Variants in NAT10 observed in about 807,000 individuals in gnomAD.
NAT10 encodes the protein N-acetyltransferase 10.
In NAT10, 109 loss-of-function variants were observed where a neutral mutation model predicts 132.2. The observed-to-expected ratio is 0.82, with a 90% CI of 0.71 to 0.97. NAT10 has a LOEUF of 0.97. Among genes scored for constraint, NAT10 ranks in the 50% least tolerant of loss-of-function variants. The pLI is 0.00. For synonymous variants in NAT10, 479 were observed against 478.0 expected, an observed-to-expected ratio of 1.00 and a Z score of -0.03; for missense variants, 1,184 against 1,263.4, an observed-to-expected ratio of 0.94 and a Z score of 0.95.
At chr11:34,127,984 A>T (rs1029971791) in intron 12 of NAT10, among the ~76,000 whole-genome samples, 2 of 152,200 alleles carry the variant, frequency 1.3e-5, no homozygotes, top group Non-Finnish European at 2.9e-5. Context: ...GACTTTTTTT[A>T]AAATTTGAAA....
At chr11:34,116,688 G>A (rs527762079) in intron 6 of NAT10, among the ~76,000 whole-genome samples, 3 of 152,058 alleles carry the variant, frequency 2.0e-5, no homozygotes, top group South Asian at 2.1e-4. Context: ...TCTGCCTCCC[G>A]CATTCAAGCA....
Position 34,141,766 on chromosome 11 carries a change from A to C in NAT10, c.2760A>C (p.Ala920=). 1 of 1,614,120 alleles carries C rather than the reference A, an allele frequency of 6.2e-7. No homozygotes were observed. Among genetic ancestry groups the C allele is most frequent in the Non-Finnish European group, 8.5e-7 (1 of 1,180,040 alleles). Residue 920 remains alanine, a synonymous_variant, in exon 26 of 29, where the codon GCA becomes GCC. Coordinates refer to ENST00000257829, the MANE Select transcript of NAT10 (RefSeq NM_024662.3). ...QEKAIEEQMV[A]AKDVVMEPTM... The stretch of plus-strand genomic sequence containing the variant: ...AGGCCATTGAGGAGCAGATGGTGGC[A>C]GCGAAGGATGTGGTCATGGAGCCCA...
At chr11:34,107,991 A>G (rs1851625090) in intron 1 of NAT10, among the ~76,000 whole-genome samples, 1 of 152,228 alleles carries the variant, frequency 6.6e-6, no homozygotes, top group African/African-American at 2.4e-5. Context: ...GGTGAATTAC[A>G]GGCTTTCCAG....
chr11:34,138,450 T>G (rs944856532), intron 21 of NAT10, among the ~76,000 whole-genome samples: 65 of 152,160 alleles, frequency 4.3e-4, no homozygotes, highest in Non-Finnish European at 2.8e-4. Context: ...GGGTTTAAAG[T>G]GGGACTGGTG....
rs1240125522 is a variant in NAT10, at chr11:34,142,349, G to GTAA, written c.2885+2_2885+4dup. ...AGCTGAAGAGCATGGACCTCTCTGA[G>GTAA]TAAGGCTTGTGGGAAGCAGAGGGTT... On this transcript the variant is annotated splice_donor_variant, in intron 27 of 28. Coordinates refer to ENST00000257829, the MANE Select transcript of NAT10 (RefSeq NM_024662.3). LOFTEE classifies it high-confidence loss of function. 2.5e-6 allele frequency: 4 copies of GTAA among 1,613,964 alleles called. No individual in the cohort carries two copies. In the African/African-American group the frequency reaches 5.3e-5, roughly 22 times the overall value.
intron 1 of NAT10, among the ~76,000 whole-genome samples, 181 bp from the exon 2 acceptor site, chr11:34,108,030 G>A (rs547285387): frequency 6.6e-6 from 1 of 152,290 alleles, no homozygotes; most frequent in East Asian, 1.9e-4. Flanking sequence ...CACCTCCCAA[G>A]CCTAAGGTTT....
intron 28 of NAT10, 67 bp from the exon 29 acceptor site, chr11:34,146,017 C>A: frequency 8.5e-7 from 1 of 1,171,578 alleles, no homozygotes; most frequent in Non-Finnish European, 1.2e-6. Flanking sequence ...GCAAAGCAAG[C>A]TTAAAGCAGT....
rs142291579 is a variant in NAT10, at chr11:34,122,482, C to T, written c.804C>T (p.Ile268=). 119 of 1,614,184 alleles carry T rather than the reference C, an allele frequency of 7.4e-5. No individual in the cohort carries two copies. The African/African-American group carries it at 1.1e-3, about 15-fold the overall frequency. The change falls in exon 9 of 29, where the codon ATC becomes ATT. Residue 268 remains isoleucine, a synonymous_variant. Coordinates refer to ENST00000257829, the MANE Select transcript of NAT10 (RefSeq NM_024662.3). ...AGGCCAAAGCTGTCTTGAAATTTAT[C>T]GAGGGCATCTCTGAAAAGACCCTGA... is the stretch of plus-strand genomic sequence containing the variant. ...LDQAKAVLKF[I]EGISEKTLRS...
Position 34,131,287 on chromosome 11 carries a change from G to C in NAT10, c.1370-94G>C, listed in dbSNP as rs1852100278. The C allele has an allele frequency of 2.7e-6, 4 of 1,483,532 alleles. No individual in the cohort carries two copies. In the South Asian group the frequency reaches 5.5e-5, roughly 20 times the overall value. The allele number at this position is 1,483,532 out of a possible 1,614,324, so 91.9% of individuals were successfully genotyped here. The stretch of plus-strand genomic sequence containing the variant: ...TACCACACGTCTCTGGCCACCATGG[G>C]ACAAATATAAAGTGAAACATTTTTC... On this transcript the variant is annotated intron_variant, in intron 13 of 28. Transcript: ENST00000257829.
intron 12 of NAT10, among the ~76,000 whole-genome samples, chr11:34,128,055 CA>C (rs1394790336): frequency 3.3e-5 from 5 of 151,694 alleles, no homozygotes; most frequent in African/African-American, 1.2e-4. Context: ...AACAGGTAAG[CA>C]AAAGAAAAAT....
intron 24 of NAT10, 40 bp downstream of exon 24, chr11:34,140,612 T>C (rs367916097): frequency 6.3e-7 from 1 of 1,592,888 alleles, no homozygotes; most frequent in Non-Finnish European, 8.6e-7. Context: ...AAGCGAGGAT[T>C]GTGGAGCTGT....
rs1304112079 is a variant in NAT10 at position 34,108,239 on chromosome 11, A to T, written c.14A>T (p.Lys5Met). MHRK[K>M]VDNRIRILIE... Reference sequence around the variant, plus strand: ...TAATTTTTCACCATGCATCGGAAAAAGGTGGATAACCGAATCCGGATTCTC... The same window carrying T: ...TAATTTTTCACCATGCATCGGAAAATGGTGGATAACCGAATCCGGATTCTC... The change falls in exon 2 of 29, where the codon AAG becomes ATG. Residue 5 changes from lysine (K) to methionine (M), a missense_variant. Transcript: ENST00000257829. The T allele has an allele frequency of 2.5e-6, 4 of 1,613,778 alleles. No individual in the cohort carries two copies. In the South Asian group the frequency reaches 4.4e-5, roughly 18 times the overall value.
intron 12 of NAT10, among the ~76,000 whole-genome samples, chr11:34,128,753 C>G (rs1235995121): frequency 6.6e-6 from 1 of 152,144 alleles, no homozygotes; most frequent in Non-Finnish European, 1.5e-5. Context: ...AGTATGTTCA[C>G]AGAGTTGTGC....
intron 24 of NAT10, 32 bp downstream of exon 24, chr11:34,140,604 G>A: frequency 1.2e-6 from 2 of 1,602,030 alleles, no homozygotes; most frequent in Non-Finnish European, 1.7e-6. Context: ...TGGAGGAGAA[G>A]CGAGGATTGT....
At chr11:34,139,950 TATATAA>T (rs1852290116) in intron 23 of NAT10, among the ~76,000 whole-genome samples, 1 of 152,258 alleles carries the variant, frequency 6.6e-6, no homozygotes, top group South Asian at 2.1e-4. Flanking sequence ...GCATATTTTA[TATATAA>T]ATATTTAGGT....
Position 34,136,551 on chromosome 11 carries a change from G to C in NAT10, c.2029-91G>C. ...AGAAACCTCTCCCAGTTTTTGTTGT[G>C]CTAAGTCCAGAGTGCGCTGCGGCAG... On this transcript the variant is annotated intron_variant, in intron 19 of 28. Coordinates refer to ENST00000257829, the MANE Select transcript of NAT10 (RefSeq NM_024662.3). 5.3e-6 allele frequency: 8 copies of C among 1,502,782 alleles called. No individual in the cohort carries two copies. In the South Asian group the frequency reaches 7.3e-5, roughly 14 times the overall value. The allele number at this position is 1,502,782 out of a possible 1,614,324, so 93.1% of individuals were successfully genotyped here.
At chr11:34,129,994 A>G (rs1852076370) in intron 12 of NAT10, among the ~76,000 whole-genome samples, 1 of 152,188 alleles carries the variant, frequency 6.6e-6, no homozygotes, top group Non-Finnish European at 1.5e-5. Flanking sequence ...ATAAATAAAT[A>G]GGATACTTTT....
At chr11:34,114,562 C>T (rs181435460) in intron 5 of NAT10, among the ~76,000 whole-genome samples, 1 of 152,180 alleles carries the variant, frequency 6.6e-6, no homozygotes, top group Non-Finnish European at 1.5e-5. Context: ...TGCACTACAG[C>T]CCTTTTGGCC....
chr11:34,129,646 C>T lies in NAT10; in HGVS notation c.1245-1167C>T, dbSNP rs374258256. On this transcript the variant is annotated intron_variant, in intron 12 of 28. Transcript: ENST00000257829. Reference sequence around the variant, plus strand: ...TTTTTGAGACAGACTCTGACTCTGTCGCCAAGGCTGGAGTGCAGTGGTGTA... The same window carrying T: ...TTTTTGAGACAGACTCTGACTCTGTTGCCAAGGCTGGAGTGCAGTGGTGTA... Among the ~76,000 whole-genome samples, 7 of 119,264 alleles carry T rather than the reference C, an allele frequency of 5.9e-5. No homozygotes were observed. The East Asian group carries it at 8.4e-4, about 14-fold the overall frequency. 78.2% of individuals were successfully genotyped at this position (119,264 alleles called of 152,430 possible).
Sources: gnomAD v4.1 joint callset for allele counts (sites outside exome capture counted in the v4.1 genomes callset) on GRCh38, gnomAD v4.1.1 for gene constraint, MANE v1.5 for transcripts, NCBI Gene and HGNC (gene_info 2026-07-23, HGNC 2026-07-21) for gene names.